FHIT: variants seen among roughly 807,000 people sequenced by gnomAD.
FHIT encodes the protein fragile histidine triad diadenosine triphosphatase.
In FHIT, 19 loss-of-function variants were observed where a neutral mutation model predicts 17.9. That is an observed-to-expected ratio of 1.06 (90% CI 0.74 to 1.56). The LOEUF is 1.56. Ranked by LOEUF, FHIT falls within the 40% of genes most tolerant of loss-of-function variation. The pLI is 0.00. For missense variants in FHIT, 248 were observed against 189.2 expected, an observed-to-expected ratio of 1.31 and a Z score of -1.82; for synonymous variants, 81 against 69.7, an observed-to-expected ratio of 1.16 and a Z score of -0.81.
At chr3:60,623,047 T>C (rs536143070) in intron 4 of FHIT, among the ~76,000 whole-genome samples, 4 of 152,268 alleles carry the variant, frequency 2.6e-5, no homozygotes, top group Admixed American at 2.6e-4. Flanking sequence ...ACGAAGCCCA[T>C]CTTTAGAAGC....
At position 60,860,833 on chromosome 3, in the gene FHIT, G is replaced by GTA. The variant is rs1703751174; in HGVS notation, c.-110-38824_-110-38823dup. 6.8e-4 allele frequency among the ~76,000 whole-genome samples: 2 copies of GTA among 2,938 alleles called. 1 individual carries two copies. The highest frequency in any genetic ancestry group is 7.3e-4 in the African/African-American group (2 of 2,754). 1.9% of individuals were successfully genotyped at this position (2,938 alleles called of 152,430 possible). A position where few individuals can be genotyped will look rare whatever the true frequency, so the allele number is the denominator to read the frequency against. ...TATATCAGGTATATATGATACATAT[G>GTA]TACATATATCAGGTATATATGAACA... On this transcript the variant is annotated intron_variant, in intron 3 of 9. Coordinates refer to ENST00000492590, the MANE Select transcript of FHIT (RefSeq NM_002012.4).
chr3:60,570,414 T>C (rs1182774819), intron 4 of FHIT, among the ~76,000 whole-genome samples: 1 of 152,124 alleles, frequency 6.6e-6, no homozygotes, highest in Non-Finnish European at 1.5e-5. Flanking sequence ...TCTGAGAGTA[T>C]GTATAAGTTG....
intron 4 of FHIT, among the ~76,000 whole-genome samples, chr3:60,609,501 A>G (rs573660781): frequency 5.3e-5 from 8 of 151,700 alleles, no homozygotes; most frequent in Admixed American, 2.0e-4. Flanking sequence ...AAATTTTTGT[A>G]TTTTTAGTAC....
At chr3:59,887,800 T>C (rs1488142723) in intron 8 of FHIT, among the ~76,000 whole-genome samples, 3 of 152,168 alleles carry the variant, frequency 2.0e-5, no homozygotes, top group Non-Finnish European at 4.4e-5. Flanking sequence ...GCCTCCTAAC[T>C]CAGCAAGGGA....
intron 4 of FHIT, among the ~76,000 whole-genome samples, chr3:60,692,942 A>C (rs2041026548): frequency 6.6e-6 from 1 of 152,202 alleles, no homozygotes; most frequent in African/African-American, 2.4e-5. Context: ...TAGCAGCCAA[A>C]TGATTAAAGG....
chr3:60,625,351 T>TG (rs1380396563), intron 4 of FHIT, among the ~76,000 whole-genome samples: 4 of 152,218 alleles, frequency 2.6e-5, no homozygotes, highest in African/African-American at 7.2e-5. Context: ...TTCAACCTTT[T>TG]GGGGAAATGA....
chr3:60,333,046 AACTGAAATGAAGG>A (rs1710063331), intron 5 of FHIT, among the ~76,000 whole-genome samples: 1 of 152,188 alleles, frequency 6.6e-6, no homozygotes, highest in Admixed American at 6.5e-5. Context: ...CAAGCTAATA[AACTGAAATGAAGG>A]CTGCATTTCA....
At chr3:60,989,628 GCTGTTAATCCCTCCCCA>G in intron 3 of FHIT, among the ~76,000 whole-genome samples, 1 of 152,260 alleles carries the variant, frequency 6.6e-6, no homozygotes, top group Non-Finnish European at 1.5e-5. Flanking sequence ...CAGCAGTGAG[GCTGTTAATCCCTCCCCA>G]CTGTTAACCA....
chr3:61,164,453 T>C (rs1402444970), intron 2 of FHIT, among the ~76,000 whole-genome samples: 2 of 152,150 alleles, frequency 1.3e-5, no homozygotes, highest in Non-Finnish European at 2.9e-5. Flanking sequence ...CTGATGCTTG[T>C]TAGAGACTCA....
intron 3 of FHIT, among the ~76,000 whole-genome samples, chr3:60,963,708 A>G (rs1553781997): frequency 2.0e-5 from 3 of 149,864 alleles, no homozygotes; most frequent in African/African-American, 7.4e-5. Context: ...ATTCAGGAGC[A>G]GGTTGTTCAG....
At chr3:60,856,360 C>A (rs370886596) in intron 3 of FHIT, 2 of 152,118 alleles carry the variant, frequency 1.3e-5, no homozygotes, top group Admixed American at 1.3e-4. Context: ...TTGCATACTG[C>A]AGCCAAAGAG....
At chr3:60,467,426 T>C (rs1234970364) in intron 5 of FHIT, among the ~76,000 whole-genome samples, 1 of 151,930 alleles carries the variant, frequency 6.6e-6, no homozygotes, top group Non-Finnish European at 1.5e-5. Context: ...AAATGTATCA[T>C]TAGTTTTTCT....
chr3:60,540,473 G>C (rs190553624), intron 4 of FHIT, among the ~76,000 whole-genome samples: 1 of 152,146 alleles, frequency 6.6e-6, no homozygotes, highest in African/African-American at 2.4e-5. Context: ...CCCTCAACCT[G>C]TGGAATCTGA....
chr3:59,846,940 C>T (rs1027863050), intron 8 of FHIT, among the ~76,000 whole-genome samples: 3 of 152,078 alleles, frequency 2.0e-5, no homozygotes, highest in African/African-American at 7.2e-5. Flanking sequence ...AAAAAATCTG[C>T]TGATAATCTT....
chr3:60,645,719 C>G (rs1031396570), intron 4 of FHIT, among the ~76,000 whole-genome samples: 1 of 152,142 alleles, frequency 6.6e-6, no homozygotes, highest in Non-Finnish European at 1.5e-5. Flanking sequence ...CTACTACCTA[C>G]GTCGTACACA....
At chr3:61,147,873 A>G (rs1325974706) in intron 2 of FHIT, among the ~76,000 whole-genome samples, 3 of 152,004 alleles carry the variant, frequency 2.0e-5, no homozygotes, top group African/African-American at 7.2e-5. Flanking sequence ...TTCTAGCTAC[A>G]ATTGACATTA....
At chr3:60,612,396 T>C (rs2038812824) in intron 4 of FHIT, among the ~76,000 whole-genome samples, 1 of 152,168 alleles carries the variant, frequency 6.6e-6, no homozygotes, top group South Asian at 2.1e-4. Flanking sequence ...CTCCAATTAG[T>C]ACCAACTAGA....
chr3:59,978,835 T>G (rs918178877), intron 7 of FHIT, among the ~76,000 whole-genome samples: 1 of 151,740 alleles, frequency 6.6e-6, no homozygotes, highest in Non-Finnish European at 1.5e-5. Flanking sequence ...TAAAACTCAA[T>G]GGTCTGGATA....
At chr3:60,920,998 T>C (rs749799451) in intron 3 of FHIT, among the ~76,000 whole-genome samples, 5 of 152,210 alleles carry the variant, frequency 3.3e-5, no homozygotes, top group Non-Finnish European at 7.3e-5. Context: ...TGTATAAGTA[T>C]AGGTTCATTT....
Sources: allele counts gnomAD v4.1 joint callset (sites outside exome capture counted in the v4.1 genomes callset), GRCh38; gene constraint gnomAD v4.1.1; transcripts MANE v1.5; gene names NCBI Gene and HGNC (gene_info 2026-07-23, HGNC 2026-07-21).